SLC30A8: variants seen among roughly 807,000 people sequenced by gnomAD.
The protein encoded by SLC30A8 is proton-coupled zinc antiporter SLC30A8.
In SLC30A8, 27 loss-of-function variants were observed where a neutral mutation model predicts 36.9. The ratio of observed to expected loss-of-function variants is 0.73; its 90% CI spans 0.54 to 1.01. SLC30A8 has a LOEUF of 1.01. Among genes scored for constraint, SLC30A8 ranks in the 50% least tolerant of loss-of-function variants. The probability of loss-of-function intolerance (pLI) is 0.00; values close to 1 mark genes in which losing one functional copy is unlikely to be tolerated. For missense variants in SLC30A8, 439 were observed against 452.0 expected, an observed-to-expected ratio of 0.97 and a Z score of 0.26; for synonymous variants, 164 against 172.4, an observed-to-expected ratio of 0.95 and a Z score of 0.38.
chr8:117,008,316 T>A lies in SLC30A8; in HGVS notation c.-265-30903T>A, dbSNP rs534615214. On this transcript the variant is annotated intron_variant, in intron 1 of 10. Transcript: ENST00000427715. The stretch of plus-strand genomic sequence containing the variant: ...ATGACTTAGAAGTATATTTTTAACT[T>A]CAAACTTGTAAGTGCTTTTCCTCTT... 1.4e-4 allele frequency among the ~76,000 whole-genome samples: 21 copies of A among 152,342 alleles called. No homozygotes were observed. In the South Asian group the frequency reaches 4.1e-3, roughly 30 times the overall value.
intron 6 of SLC30A8, among the ~76,000 whole-genome samples, chr8:117,170,815 T>C (rs1443745441): frequency 6.6e-6 from 1 of 152,224 alleles, no homozygotes; most frequent in Non-Finnish European, 1.5e-5. Flanking sequence ...TTGTTGGTTA[T>C]TGCATAGTAA....
intron 1 of SLC30A8, among the ~76,000 whole-genome samples, chr8:116,979,969 G>A (rs1291590385): frequency 6.6e-6 from 1 of 152,118 alleles, no homozygotes; most frequent in African/African-American, 2.4e-5. Flanking sequence ...AGAAAGTGAA[G>A]ACAGCATAAC....
At chr8:117,059,233 C>G (rs566232409) in intron 2 of SLC30A8, among the ~76,000 whole-genome samples, 1 of 152,296 alleles carries the variant, frequency 6.6e-6, no homozygotes, top group African/African-American at 2.4e-5. Flanking sequence ...ATTAATATGA[C>G]TTCAGGGAAA....
chr8:117,162,368 G>A (rs536142019), intron 5 of SLC30A8, among the ~76,000 whole-genome samples: 2 of 152,178 alleles, frequency 1.3e-5, no homozygotes, highest in East Asian at 1.9e-4. Flanking sequence ...CTGCTTGGCC[G>A]AAGGGAGGTT....
At chr8:117,150,532 C>T (rs1470162263) in intron 2 of SLC30A8, among the ~76,000 whole-genome samples, 1 of 152,190 alleles carries the variant, frequency 6.6e-6, no homozygotes, top group Non-Finnish European at 1.5e-5. Context: ...TCAAGTATTC[C>T]AGAAATATGA....
intron 2 of SLC30A8, among the ~76,000 whole-genome samples, chr8:117,057,499 A>C (rs1817908390): frequency 6.6e-6 from 1 of 152,122 alleles, no homozygotes; most frequent in Non-Finnish European, 1.5e-5. Context: ...TATAATTAAA[A>C]GGCATACCCT....
At chr8:117,129,041 G>A (rs767402309) in intron 2 of SLC30A8, among the ~76,000 whole-genome samples, 10 of 152,024 alleles carry the variant, frequency 6.6e-5, no homozygotes, top group African/African-American at 9.7e-5. Flanking sequence ...GGTGTCAGGT[G>A]TGCTAGTCTT....
chr8:117,149,577 C>T (rs1394281786), intron 2 of SLC30A8, among the ~76,000 whole-genome samples: 1 of 152,100 alleles, frequency 6.6e-6, no homozygotes. Flanking sequence ...GATAATTACG[C>T]AATTTTGGGT....
chr8:116,990,603 A>G (rs1815603085), intron 1 of SLC30A8, among the ~76,000 whole-genome samples: 2 of 152,134 alleles, frequency 1.3e-5, no homozygotes, highest in Non-Finnish European at 2.9e-5. Flanking sequence ...AGCCAAGAGG[A>G]GTCTGAGGCA....
At chr8:117,113,298 T>TA (rs1343406152) in intron 2 of SLC30A8, among the ~76,000 whole-genome samples, 1 of 152,176 alleles carries the variant, frequency 6.6e-6, no homozygotes, top group East Asian at 1.9e-4. Flanking sequence ...GACTGACTGA[T>TA]ACTGGTTGCC....
At chr8:117,046,500 A>G (rs1415532971) in intron 2 of SLC30A8, among the ~76,000 whole-genome samples, 3 of 152,214 alleles carry the variant, frequency 2.0e-5, no homozygotes, top group African/African-American at 4.8e-5. Flanking sequence ...TAGTAAATAA[A>G]TTAAAGAATA....
At chr8:117,103,189 A>G (rs1183781686) in intron 2 of SLC30A8, among the ~76,000 whole-genome samples, 2 of 152,094 alleles carry the variant, frequency 1.3e-5, no homozygotes, top group African/African-American at 2.4e-5. Context: ...CACATTATCT[A>G]TGTCTAGAAT....
At chr8:117,009,445 GT>G (rs1217363362) in intron 1 of SLC30A8, among the ~76,000 whole-genome samples, 1 of 152,158 alleles carries the variant, frequency 6.6e-6, no homozygotes, top group Non-Finnish European at 1.5e-5. Flanking sequence ...ATTGCTCTTT[GT>G]TTTTTGTCAT....
chr8:117,061,835 C>T (rs974624360), intron 2 of SLC30A8, among the ~76,000 whole-genome samples: 7 of 152,146 alleles, frequency 4.6e-5, no homozygotes, highest in Admixed American at 4.6e-4. Context: ...AGCAGGAAAT[C>T]ATGTGAGATA....
intron 2 of SLC30A8, among the ~76,000 whole-genome samples, chr8:117,129,319 TG>T (rs1440992234): frequency 6.6e-6 from 1 of 152,024 alleles, no homozygotes; most frequent in Non-Finnish European, 1.5e-5. Context: ...GAGAAATGAC[TG>T]TATGGTATAA....
At chr8:117,136,788 C>T (rs1313383520) in intron 1 of SLC30A8, among the ~76,000 whole-genome samples, 1 of 151,934 alleles carries the variant, frequency 6.6e-6, no homozygotes, top group Non-Finnish European at 1.5e-5. Flanking sequence ...TTAACATAGA[C>T]TATTAGCATT....
At chr8:117,099,372 G>A (rs1230876874) in intron 2 of SLC30A8, among the ~76,000 whole-genome samples, 1 of 152,172 alleles carries the variant, frequency 6.6e-6, no homozygotes, top group Non-Finnish European at 1.5e-5. Flanking sequence ...GAGGCTGTGA[G>A]TAGTTAGCAA....
chr8:116,961,471 G>A (rs1814421086), intron 1 of SLC30A8, among the ~76,000 whole-genome samples: 1 of 151,842 alleles, frequency 6.6e-6, no homozygotes. Context: ...CAACCTACAA[G>A]TATATATGCA....
rs190126047 is a variant in SLC30A8, at chr8:117,141,737, A to C, written c.72-5217A>C. ...TTCCCCTAAAATCAGGTACAAGATA[A>C]GGATGTCCACTTCAATGAGTTCTAC... On this transcript the variant is annotated intron_variant, in intron 1 of 7. Transcript: ENST00000456015. Among the ~76,000 whole-genome samples, 392 of 152,270 alleles carry C rather than the reference A, an allele frequency of 2.6e-3. 5 individuals carry two copies. The highest frequency in any genetic ancestry group is 0.023 in the Admixed American group (359 of 15,292).
Sources: allele counts gnomAD v4.1 joint callset (sites outside exome capture counted in the v4.1 genomes callset), GRCh38; gene constraint gnomAD v4.1.1; transcripts MANE v1.5; gene names NCBI Gene and HGNC (gene_info 2026-07-23, HGNC 2026-07-21).